The following ARNT2 variants were observed in gnomAD, a reference collection of about 807,000 sequenced individuals.
The protein encoded by ARNT2 is aryl hydrocarbon receptor nuclear translocator 2.
Under a neutral mutation model 91.7 loss-of-function variants are expected in ARNT2, and 36 were observed. The observed-to-expected ratio is 0.39, with a 90% CI of 0.30 to 0.52. ARNT2 has a LOEUF of 0.52. Ranked by LOEUF, ARNT2 falls within the 20% of genes least tolerant of loss-of-function variation. ARNT2 has a pLI of 0.72. For missense variants in ARNT2, 775 were observed against 939.3 expected, an observed-to-expected ratio of 0.83 and a Z score of 2.29; for synonymous variants, 365 against 347.1, an observed-to-expected ratio of 1.05 and a Z score of -0.57.
intron 11 of ARNT2, chr15:80,556,109 C>G (rs1162152501): frequency 2.0e-5 from 3 of 152,194 alleles, no homozygotes; most frequent in Non-Finnish European, 4.4e-5. Context: ...CATGGTGAAA[C>G]CCTGTCTCTA....
chr15:80,421,829 A>T (rs145433624), intron 1 of ARNT2, among the ~76,000 whole-genome samples: 247 of 152,272 alleles, frequency 1.6e-3, no homozygotes, highest in African/African-American at 5.8e-3. Flanking sequence ...CTAGTGAGAT[A>T]CTCATTACCA....
chr15:80,551,047 T>TC (rs1898071858), intron 8 of ARNT2, 152 bp from the exon 9 acceptor site: 1 of 662,106 alleles, frequency 1.5e-6, no homozygotes, highest in African/African-American at 1.8e-5. Flanking sequence ...AGGAACTGAG[T>TC]GAGGAACTGG....
At chr15:80,463,359 A>G (rs750915248) in intron 3 of ARNT2, among the ~76,000 whole-genome samples, 120 of 148,584 alleles carry the variant, frequency 8.1e-4, no homozygotes, top group Non-Finnish European at 9.5e-4. Context: ...CAAACTTCCC[A>G]TGCCTCCTCC....
chr15:80,464,331 G>T (rs1182072137), intron 3 of ARNT2, among the ~76,000 whole-genome samples: 1 of 151,300 alleles, frequency 6.6e-6, no homozygotes, highest in African/African-American at 2.4e-5. Context: ...GGGGTGGGGG[G>T]TTGCAAGGAT....
chr15:80,447,948 A>C (rs939824880), intron 1 of ARNT2, among the ~76,000 whole-genome samples: 1 of 152,220 alleles, frequency 6.6e-6, no homozygotes, highest in African/African-American at 2.4e-5. Context: ...ATAGGAGCAG[A>C]TTCCTTGACA....
intron 5 of ARNT2, among the ~76,000 whole-genome samples, chr15:80,492,902 C>T (rs1474400469): frequency 1.3e-5 from 2 of 152,136 alleles, no homozygotes; most frequent in Non-Finnish European, 1.5e-5. Context: ...ATTGCTGAGA[C>T]TTAATGTTTC....
At chr15:80,473,762 T>A (rs556436113) in intron 4 of ARNT2, among the ~76,000 whole-genome samples, 1 of 152,322 alleles carries the variant, frequency 6.6e-6, no homozygotes, top group African/African-American at 2.4e-5. Flanking sequence ...GTTCTGCTCA[T>A]CAGCATATCA....
At chr15:80,467,091 G>T (rs1896666452) in intron 3 of ARNT2, among the ~76,000 whole-genome samples, 1 of 152,246 alleles carries the variant, frequency 6.6e-6, no homozygotes, top group Non-Finnish European at 1.5e-5. Flanking sequence ...ACAGTGACCA[G>T]CTGAGGGGTT....
intron 14 of ARNT2, among the ~76,000 whole-genome samples, 197 bp downstream of exon 14, chr15:80,575,307 G>A (rs530085289): frequency 6.6e-6 from 1 of 152,270 alleles, no homozygotes; most frequent in East Asian, 1.9e-4. Context: ...GTTACCCAGG[G>A]TATGGTAACT....
intron 8 of ARNT2, among the ~76,000 whole-genome samples, chr15:80,533,520 C>T (rs574510079): frequency 3.0e-4 from 46 of 152,276 alleles, no homozygotes; most frequent in African/African-American, 1.1e-3. Context: ...GGCAGATGGA[C>T]TGCAACATGG....
At chr15:80,541,857 C>T (rs151242193) in intron 8 of ARNT2, among the ~76,000 whole-genome samples, 1 of 152,332 alleles carries the variant, frequency 6.6e-6, no homozygotes, top group East Asian at 1.9e-4. Context: ...ATCTTTTCCA[C>T]CTGCTAATGG....
chr15:80,470,139 T>C, intron 3 of ARNT2, 79 bp from the exon 4 acceptor site: 1 of 1,387,586 alleles, frequency 7.2e-7, no homozygotes, highest in Middle Eastern at 1.8e-4. Context: ...GTGTTAATGG[T>C]TTTATCCCAT....
chr15:80,517,100 A>G (rs1395330699), intron 8 of ARNT2, among the ~76,000 whole-genome samples: 1 of 151,936 alleles, frequency 6.6e-6, no homozygotes, highest in African/African-American at 2.4e-5. Flanking sequence ...TCTTCTTCCA[A>G]GGAACTTATT....
intron 16 of ARNT2, 158 bp from the exon 17 acceptor site, chr15:80,581,081 G>A (rs749291810): frequency 1.2e-6 from 1 of 852,204 alleles, no homozygotes; most frequent in Non-Finnish European, 1.8e-6. Context: ...TCACACACCG[G>A]GCTGATCCCA....
intron 8 of ARNT2, among the ~76,000 whole-genome samples, chr15:80,526,574 AC>A (rs1358949046): frequency 6.6e-6 from 1 of 152,182 alleles, no homozygotes; most frequent in African/African-American, 2.4e-5. Flanking sequence ...CCAAGGTCTG[AC>A]CCTGGCAGCT....
chr15:80,508,136 T>C lies in ARNT2; in HGVS notation c.623-20T>C, dbSNP rs1897299054. ...AACCGAAGGCAGAGGCTTACGTAAC[T>C]GTCCTTCTCTCTCTCTTAGGCCGGA... On this transcript the variant is annotated intron_variant, in intron 5 of 18. Coordinates refer to ENST00000303329, the MANE Select transcript of ARNT2 (RefSeq NM_014862.4). 1.9e-6 allele frequency: 3 copies of C among 1,612,994 alleles called. No individual in the cohort carries two copies. The South Asian group carries it at 3.3e-5, about 18-fold the overall frequency.
rs1458445115 is a variant in ARNT2 at position 80,514,306 on chromosome 15, A to G, written c.792-14A>G. Reference sequence around the variant, plus strand: ...TCATGTGATGAAAACAATTTCACAAATGTTCTTTTTTAGGAATGGCCTTGG... The same window carrying G: ...TCATGTGATGAAAACAATTTCACAAGTGTTCTTTTTTAGGAATGGCCTTGG... On this transcript the variant is annotated splice_polypyrimidine_tract_variant and intron_variant, in intron 7 of 18. Coordinates refer to ENST00000303329, the MANE Select transcript of ARNT2 (RefSeq NM_014862.4). 6 of 1,613,606 alleles carry G rather than the reference A, an allele frequency of 3.7e-6. No individual in the cohort carries two copies. In the African/African-American group the frequency reaches 4.0e-5, roughly 11 times the overall value.
chr15:80,569,584 G>A (rs1023694782), intron 12 of ARNT2, among the ~76,000 whole-genome samples: 6 of 152,320 alleles, frequency 3.9e-5, no homozygotes, highest in African/African-American at 1.4e-4. Context: ...AGATGCTGAT[G>A]TTCCGACCAC....
intron 11 of ARNT2, among the ~76,000 whole-genome samples, chr15:80,559,168 G>T (rs777759050): frequency 7.2e-5 from 11 of 152,046 alleles, no homozygotes; most frequent in Non-Finnish European, 1.6e-4. Flanking sequence ...GACTGCTGAC[G>T]CTGTCAGAAC....
Sources: gnomAD v4.1 joint callset for allele counts (sites outside exome capture counted in the v4.1 genomes callset) on GRCh38, gnomAD v4.1.1 for gene constraint, MANE v1.5 for transcripts, NCBI Gene and HGNC (gene_info 2026-07-23, HGNC 2026-07-21) for gene names.